Variants in RNF20 observed in about 807,000 individuals in gnomAD.
The protein encoded by RNF20 is E3 ubiquitin-protein ligase BRE1A.
A neutral mutation model predicts 126.2 loss-of-function variants in RNF20; 84 were observed. That is an observed-to-expected ratio of 0.67 (90% CI 0.56 to 0.80). The LOEUF is 0.80. Ranked by LOEUF, RNF20 falls within the 30% of genes least tolerant of loss-of-function variation. The pLI is 0.00. For missense variants in RNF20, 869 were observed against 1,188.2 expected (o/e 0.73, Z 3.95); for synonymous variants, 400 against 414.3 (o/e 0.97, Z 0.42).
At chr9:101,543,441 GGGCGGCACTGTCTAACCTGCCAA>G (rs1374400910) in intron 5 of RNF20, among the ~76,000 whole-genome samples, 2 of 136,572 alleles carry the variant, frequency 1.5e-5, no homozygotes, top group Non-Finnish European at 3.4e-5. Context: ...AACTCTGCCA[GGGCGGCACTGTCTAACCTGCCAA>G]GGCAGCACTG....
chr9:101,541,662 ATTAT>A (rs1217354650), intron 5 of RNF20, among the ~76,000 whole-genome samples: 1 of 152,020 alleles, frequency 6.6e-6, no homozygotes, highest in Non-Finnish European at 1.5e-5. Context: ...TAACAACTAT[ATTAT>A]TTAATTATTA....
intron 9 of RNF20, among the ~76,000 whole-genome samples, chr9:101,547,931 C>T (rs897267894): frequency 4.6e-5 from 7 of 151,970 alleles, no homozygotes; most frequent in South Asian, 4.1e-4. Flanking sequence ...ACAGGCTCCA[C>T]GAAAAAACTG....
chr9:101,551,465 T>C (rs190943924), intron 10 of RNF20, among the ~76,000 whole-genome samples: 2 of 152,216 alleles, frequency 1.3e-5, no homozygotes, highest in South Asian at 2.1e-4. Flanking sequence ...ATATACTGTT[T>C]TATAGTTTAG....
At position 101,546,938 on chromosome 9, in the gene RNF20, A is replaced by T. The variant is rs545370411; in HGVS notation, c.866A>T (p.Asn289Ile). 1 of 1,614,156 alleles carries T rather than the reference A, an allele frequency of 6.2e-7. No individual in the cohort carries two copies. The highest frequency in any genetic ancestry group is 1.3e-5 in the African/African-American group (1 of 75,052). ...DKIRKREQRL[N>I]RHLAEVLERV... Reference sequence around the variant, plus strand: ...ATTCGAAAGAGGGAACAGCGACTCAACCGACACTTAGCAGAAGTCCTAGAA... The same window carrying T: ...ATTCGAAAGAGGGAACAGCGACTCATCCGACACTTAGCAGAAGTCCTAGAA... The change falls in exon 7 of 20, where the codon AAC (asparagine) becomes ATC (isoleucine). Residue 289 changes from asparagine to isoleucine, a missense_variant. Physicochemically the swap from Asn to Ile is moderately radical, Grantham distance 149 (BLOSUM62 -3). Around this residue, in one of 8 missense-constraint regions of RNF20, gnomAD observed 153 missense variants for 226.4 expected, o/e 0.68. Coordinates refer to ENST00000389120, the MANE Select transcript of RNF20 (RefSeq NM_019592.7).
chr9:101,562,589 T>G lies in RNF20; in HGVS notation c.*167T>G. The stretch of plus-strand genomic sequence containing the variant: ...TCTCCTCTTCAGTAGCTGGATGACT[T>G]TAGCAGAAAGGACTGGTAAATACAA... On this transcript the variant is annotated 3_prime_UTR_variant, in exon 20 of 20. Coordinates refer to ENST00000389120, the MANE Select transcript of RNF20 (RefSeq NM_019592.7). 1 of 596,294 alleles carries G rather than the reference T, an allele frequency of 1.7e-6. No homozygotes were observed. The highest frequency in any genetic ancestry group is 2.8e-6 in the Non-Finnish European group (1 of 352,460). The allele number at this position is 596,294 out of a possible 1,614,324, so 36.9% of individuals were successfully genotyped here.
chr9:101,558,006 C>CTTTTTTTTTT (rs200617735), intron 16 of RNF20, among the ~76,000 whole-genome samples: 1 of 127,656 alleles, frequency 7.8e-6, no homozygotes. Flanking sequence ...TGTGATTTTA[C>CTTTTTTTTTT]TTTTTTTTTT....
At chr9:101,547,376 T>C in intron 8 of RNF20, 23 bp from the exon 9 acceptor site, 1 of 1,613,394 alleles carries the variant, frequency 6.2e-7, no homozygotes, top group East Asian at 2.2e-5. Context: ...TTATTTATTC[T>C]CTATTTTTCT....
chr9:101,542,181 A>G (rs1309371322), intron 5 of RNF20, among the ~76,000 whole-genome samples: 1 of 152,232 alleles, frequency 6.6e-6, no homozygotes, highest in African/African-American at 2.4e-5. Flanking sequence ...CAACAGAATT[A>G]AGCAGCTTGT....
chr9:101,561,874 G>A, intron 18 of RNF20, 36 bp from the exon 19 acceptor site: 2 of 1,347,604 alleles, frequency 1.5e-6, no homozygotes, highest in Non-Finnish European at 2.1e-6. Flanking sequence ...ATAGATTTGG[G>A]TAAGTGTGTC....
In RNF20 at chr9:101,544,794, A is replaced by G. The variant is rs2118692861; in HGVS notation, c.656A>G (p.Gln219Arg). 1.2e-6 allele frequency: 2 copies of G among 1,611,382 alleles called. No homozygotes were observed. The highest frequency in any genetic ancestry group is 3.3e-4 in the Middle Eastern group (2 of 6,058). ...AATCTGATAGTGGAGGAAGCAGTGC[A>G]GGAGCTGAACTCTTTCCTCGCACAG... ...GDNLIVEEAVQELNSFLAQEN... is the reference protein window; with the variant it reads ...GDNLIVEEAVRELNSFLAQEN... The change falls in exon 6 of 20, where the codon CAG becomes CGG. Residue 219 changes from glutamine (Q) to arginine (R), a missense_variant. By Grantham distance (43) the Gln-to-Arg change is conservative. Coordinates refer to ENST00000389120, the MANE Select transcript of RNF20 (RefSeq NM_019592.7).
intron 2 of RNF20, 21 bp from the exon 3 acceptor site, chr9:101,540,182 T>A (rs767025610): frequency 2.5e-6 from 4 of 1,610,884 alleles, no homozygotes; most frequent in South Asian, 2.2e-5. Flanking sequence ...TGGAGACTAA[T>A]ACGATTGGTT....
At chr9:101,534,669 A>G (rs61051202) in intron 1 of RNF20, among the ~76,000 whole-genome samples, 13,435 of 152,262 alleles carry the variant, frequency 0.088, 658 homozygotes, top group Middle Eastern at 0.14. Context: ...CTTGTCTAGT[A>G]CTAATGACTT....
chr9:101,541,170 AAGCAATCTTTCTGCCTC>A (rs970745898), intron 5 of RNF20, among the ~76,000 whole-genome samples, 195 bp downstream of exon 5: 138 of 152,290 alleles, frequency 9.1e-4, no homozygotes, highest in African/African-American at 3.1e-3. Flanking sequence ...CCTCGAACTC[AAGCAATCTTTCTGCCTC>A]AGCTTCCGAA....
chr9:101,559,173 T>G (rs901724488), intron 16 of RNF20, among the ~76,000 whole-genome samples: 17 of 152,188 alleles, frequency 1.1e-4, no homozygotes, highest in African/African-American at 3.9e-4. Flanking sequence ...TCCCACTTTA[T>G]GTTTTTGTTT....
intron 2 of RNF20, among the ~76,000 whole-genome samples, chr9:101,538,579 A>G (rs948018653): frequency 4.6e-5 from 7 of 152,136 alleles, no homozygotes; most frequent in African/African-American, 1.7e-4. Flanking sequence ...CCACCACTAG[A>G]GAAGCCTGCA....
chr9:101,552,501 C>G lies in RNF20; in HGVS notation c.1649C>G (p.Ser550Ter), dbSNP rs1355061175. The G allele has an allele frequency of 6.2e-7, 1 of 1,614,062 alleles. No individual in the cohort carries two copies. The highest frequency in any genetic ancestry group is 1.7e-5 in the Admixed American group (1 of 60,020). ...GACTTATCCTCCCAGTCCTCAGCTT[C>G]AAAGGCATCTCAGGAGGATGCCAAT... Reference protein sequence around the residue: ...SEDLSSQSSASKASQEDANEI... With the variant: ...SEDLSSQSSA The change falls in exon 13 of 20, where the codon TCA becomes TGA. Residue 550 changes from serine (S) to a stop codon, truncating the protein, a stop_gained. Coordinates refer to ENST00000389120, the MANE Select transcript of RNF20 (RefSeq NM_019592.7). LOFTEE classifies it high-confidence loss of function.
At chr9:101,542,369 CAA>C (rs1471137729) in intron 5 of RNF20, among the ~76,000 whole-genome samples, 1 of 152,178 alleles carries the variant, frequency 6.6e-6, no homozygotes, top group Non-Finnish European at 1.5e-5. Flanking sequence ...CCATTCTAAA[CAA>C]TGTGTTTTAT....
At chr9:101,550,484 A>G (rs987023120) in intron 9 of RNF20, 122 bp from the exon 10 acceptor site, 1 of 802,936 alleles carries the variant, frequency 1.2e-6, no homozygotes, top group Non-Finnish European at 2.0e-6. Context: ...TAGATAACTT[A>G]ATAATCTTTA....
At chr9:101,551,859 T>TA (rs1827451973) in intron 11 of RNF20, 40 bp downstream of exon 11, 2 of 1,566,942 alleles carry the variant, frequency 1.3e-6, no homozygotes, top group African/African-American at 2.7e-5. Flanking sequence ...TTGCTCTTAA[T>TA]ACCTTCCTTG....
Sources: gnomAD v4.1 joint callset for allele counts (sites outside exome capture counted in the v4.1 genomes callset) on GRCh38, gnomAD v4.1.1 for gene constraint, gnomAD v4.1.1 regional missense constraint, MANE v1.5 for transcripts, NCBI Gene and HGNC (gene_info 2026-07-23, HGNC 2026-07-21) for gene names.